The following ADAMTS6 variants were observed in gnomAD, a reference collection of about 807,000 sequenced individuals.
The protein encoded by ADAMTS6 is A disintegrin and metalloproteinase with thrombospondin motifs 6.
Under a neutral mutation model 144.3 loss-of-function variants are expected in ADAMTS6, and 23 were observed. That is an observed-to-expected ratio of 0.16 (90% CI 0.11 to 0.23). ADAMTS6 has a LOEUF of 0.23. Ranked by LOEUF, ADAMTS6 falls within the 10% of genes least tolerant of loss-of-function variation. The pLI is 1.00. For synonymous variants in ADAMTS6, 444 were observed against 457.5 expected, an observed-to-expected ratio of 0.97 and a Z score of 0.38; for missense variants, 999 against 1,379.6, an observed-to-expected ratio of 0.72 and a Z score of 4.37.
intron 10 of ADAMTS6, among the ~76,000 whole-genome samples, chr5:65,296,575 T>G (rs1406172732): frequency 3.3e-5 from 5 of 152,184 alleles, no homozygotes; most frequent in African/African-American, 1.2e-4. Context: ...AAAGGTCCCA[T>G]CTATAAAGAT....
chr5:65,366,771 C>A (rs1750343235), intron 7 of ADAMTS6, among the ~76,000 whole-genome samples: 1 of 152,182 alleles, frequency 6.6e-6, no homozygotes, highest in Non-Finnish European at 1.5e-5. Context: ...AGTAAATACA[C>A]ACTCCAGAGG....
At chr5:65,454,428 A>C (rs1759024449) in intron 4 of ADAMTS6, among the ~76,000 whole-genome samples, 1 of 152,106 alleles carries the variant, frequency 6.6e-6, no homozygotes, top group Non-Finnish European at 1.5e-5. Context: ...AGACATAAAC[A>C]CCACTTCTTA....
intron 7 of ADAMTS6, among the ~76,000 whole-genome samples, chr5:65,345,137 T>G (rs566865211): frequency 5.9e-5 from 9 of 151,816 alleles, no homozygotes; most frequent in Non-Finnish European, 1.2e-4. Context: ...TTATAATGTT[T>G]ATAGAGTTAA....
intron 7 of ADAMTS6, among the ~76,000 whole-genome samples, chr5:65,357,678 TATA>T (rs1561459466): frequency 6.6e-6 from 1 of 151,542 alleles, no homozygotes; most frequent in African/African-American, 2.4e-5. Flanking sequence ...ACCATAGAAC[TATA>T]AAAGATCCTA....
At chr5:65,393,998 T>G (rs1221172023) in intron 7 of ADAMTS6, among the ~76,000 whole-genome samples, 1 of 152,210 alleles carries the variant, frequency 6.6e-6, no homozygotes, top group Admixed American at 6.5e-5. Flanking sequence ...AAGCTATATA[T>G]GAAGTGACAG....
intron 3 of ADAMTS6, among the ~76,000 whole-genome samples, chr5:65,460,702 G>C (rs139580421): frequency 2.6e-5 from 4 of 152,266 alleles, no homozygotes; most frequent in African/African-American, 9.6e-5. Flanking sequence ...CTTTGTGATT[G>C]AGTTTTGCAC....
chr5:65,370,473 G>T, intron 7 of ADAMTS6, among the ~76,000 whole-genome samples: 1 of 152,294 alleles, frequency 6.6e-6, no homozygotes, highest in African/African-American at 2.4e-5. Flanking sequence ...GAAGCGCAAG[G>T]GGTCAGGGAG....
chr5:65,157,208 C>A lies in ADAMTS6; in HGVS notation c.3245-5263G>T, dbSNP rs189222365. Among the ~76,000 whole-genome samples, 4 of 152,312 alleles carry A rather than the reference C, an allele frequency of 2.6e-5. No homozygotes were observed. In the East Asian group the frequency reaches 7.7e-4, roughly 29 times the overall value. On this transcript the variant is annotated intron_variant, in intron 24 of 24. Coordinates refer to ENST00000381055, the MANE Select transcript of ADAMTS6 (RefSeq NM_197941.4). The stretch of plus-strand genomic sequence containing the variant: ...GAGTTGAATGATAAAATTAGACAAC[C>A]TGTTTCATAGGCAACACATGAATCT...
chr5:65,193,044 C>T (rs2112202665), intron 21 of ADAMTS6, among the ~76,000 whole-genome samples: 1 of 151,944 alleles, frequency 6.6e-6, no homozygotes, highest in Non-Finnish European at 1.5e-5. Flanking sequence ...ATAGGGAAAA[C>T]AATCGTGATT....
intron 18 of ADAMTS6, among the ~76,000 whole-genome samples, chr5:65,221,053 T>C (rs1757292426): frequency 6.6e-6 from 1 of 152,186 alleles, no homozygotes; most frequent in Non-Finnish European, 1.5e-5. Flanking sequence ...CCATTCTAGA[T>C]AGCTTCACAG....
intron 22 of ADAMTS6, among the ~76,000 whole-genome samples, chr5:65,176,119 G>A (rs1167799594): frequency 3.6e-5 from 5 of 138,838 alleles, no homozygotes; most frequent in African/African-American, 1.1e-4. Context: ...AAAAAAAAGG[G>A]AAAAAAAGGG....
chr5:65,356,953 T>C (rs1412359779), intron 7 of ADAMTS6, among the ~76,000 whole-genome samples: 1 of 151,836 alleles, frequency 6.6e-6, no homozygotes, highest in Non-Finnish European at 1.5e-5. Flanking sequence ...AATAATATTA[T>C]TAATAAAATA....
At chr5:65,406,453 T>C (rs1016178263) in intron 7 of ADAMTS6, among the ~76,000 whole-genome samples, 26 of 152,196 alleles carry the variant, frequency 1.7e-4, no homozygotes, top group African/African-American at 4.8e-4. Flanking sequence ...TTACGTTTAT[T>C]GATTTGCGTA....
At position 65,473,037 on chromosome 5, in the gene ADAMTS6, C is replaced by T. The variant is rs569107204; in HGVS notation, c.97+540G>A. On this transcript the variant is annotated intron_variant, in intron 2 of 24. Transcript: ENST00000381055. ...GCCTGCTTTGTTAAGATCATTTCTA[C>T]GATATAAAGCTCAATTCTATAGATT... Among the ~76,000 whole-genome samples, 115 of 152,148 alleles carry T rather than the reference C, an allele frequency of 7.6e-4. 1 individual carries two copies. In the South Asian group the frequency reaches 0.015, roughly 20 times the overall value.
intron 7 of ADAMTS6, among the ~76,000 whole-genome samples, chr5:65,411,241 A>G (rs1755022683): frequency 6.6e-6 from 1 of 152,188 alleles, no homozygotes; most frequent in Non-Finnish European, 1.5e-5. Flanking sequence ...GCTGTGCTGC[A>G]GTGAACATGG....
At chr5:65,299,115 G>T (rs1743128232) in intron 10 of ADAMTS6, among the ~76,000 whole-genome samples, 1 of 151,804 alleles carries the variant, frequency 6.6e-6, no homozygotes. Context: ...AAAAATAATG[G>T]TAAAGCAATA....
chr5:65,402,983 A>C (rs2150167421), intron 7 of ADAMTS6, among the ~76,000 whole-genome samples: 1 of 152,022 alleles, frequency 6.6e-6, no homozygotes, highest in Non-Finnish European at 1.5e-5. Flanking sequence ...TTTTTCATAA[A>C]CCCATTCCAG....
In ADAMTS6 at chr5:65,184,740, G is replaced by A. The variant is rs140410513; in HGVS notation, c.2910+3276C>T. On this transcript the variant is annotated intron_variant, in intron 22 of 24. Coordinates refer to ENST00000381055, the MANE Select transcript of ADAMTS6 (RefSeq NM_197941.4). ...AGTATAGATTATAGGATATGCGAAA[G>A]CTGTGGCTTCATTAGTTCCAGAAAA... is the stretch of plus-strand genomic sequence containing the variant. Among the ~76,000 whole-genome samples the A allele has an allele frequency of 4.9e-3, 740 of 152,148 alleles. 6 individuals are homozygous for A. Among genetic ancestry groups the A allele is most frequent in the African/African-American group, 0.017 (714 of 41,518 alleles).
chr5:65,464,884 G>A (rs1464703503), intron 3 of ADAMTS6, among the ~76,000 whole-genome samples: 1 of 152,076 alleles, frequency 6.6e-6, no homozygotes, highest in Non-Finnish European at 1.5e-5. Context: ...ATAATCCATT[G>A]ATCCTATCAC....
Sources: allele counts gnomAD v4.1 joint callset (sites outside exome capture counted in the v4.1 genomes callset), GRCh38; gene constraint gnomAD v4.1.1; transcripts MANE v1.5; gene names NCBI Gene and HGNC (gene_info 2026-07-23, HGNC 2026-07-21).